Variants in AHI1 observed in about 807,000 individuals in gnomAD.
AHI1 encodes Abelson helper integration site 1.
Under a neutral mutation model 149.3 loss-of-function variants are expected in AHI1, and 123 were observed. The ratio of observed to expected loss-of-function variants is 0.82; its 90% CI spans 0.71 to 0.96. AHI1 has a LOEUF of 0.96. Among genes scored for constraint, AHI1 ranks in the 40% least tolerant of loss-of-function variants. The pLI is 0.00. For synonymous variants in AHI1, 475 were observed against 459.8 expected (o/e 1.03, Z -0.42); for missense variants, 1,439 against 1,422.7 (o/e 1.01, Z -0.18).
rs1307635777 is a variant in AHI1 at position 135,293,399 on chromosome 6, AAAAAAAG to A, written c.3486-2881_3486-2875del. Among the ~76,000 whole-genome samples, 501 of 98,518 alleles carry A rather than the reference AAAAAAAG, an allele frequency of 5.1e-3. 16 individuals carry two copies. The highest frequency in any genetic ancestry group is 0.046 in the African/African-American group (428 of 9,338). 64.6% of individuals were successfully genotyped at this position (98,518 alleles called of 152,430 possible). On this transcript the variant is annotated intron_variant, in intron 27 of 28. Transcript: ENST00000265602. ...TACCCAGTGTTAACAGGGCAAAAAA[AAAAAAAG>A]AAAAAAAAAAAAAAAAAAGAAAAAA...
At chr6:135,398,056 ATGT>A (rs1167723854) in intron 22 of AHI1, among the ~76,000 whole-genome samples, 128 of 96,600 alleles carry the variant, frequency 1.3e-3, no homozygotes, top group African/African-American at 4.1e-3. Context: ...AATACCCAGG[ATGT>A]TTTTTTTTTT....
At chr6:135,431,684 G>A (rs376128471) in intron 16 of AHI1, among the ~76,000 whole-genome samples, 2 of 151,976 alleles carry the variant, frequency 1.3e-5, no homozygotes, top group Admixed American at 6.6e-5. Flanking sequence ...CCATAAATCT[G>A]TTTTGGATTC....
chr6:135,312,868 T>C (rs9402702), intron 26 of AHI1, among the ~76,000 whole-genome samples: 61,061 of 152,158 alleles, frequency 0.4, 14,952 homozygotes, highest in Middle Eastern at 0.57. Flanking sequence ...TGAACTTAGA[T>C]GCCCCACAAT....
At chr6:135,411,133 A>T (rs1781525070) in intron 21 of AHI1, among the ~76,000 whole-genome samples, 1 of 152,202 alleles carries the variant, frequency 6.6e-6, no homozygotes, top group Non-Finnish European at 1.5e-5. Flanking sequence ...CTTTACAGAG[A>T]TATCAAGTCA....
intron 20 of AHI1, among the ~76,000 whole-genome samples, chr6:135,422,518 A>C (rs987613946): frequency 6.6e-6 from 1 of 152,092 alleles, no homozygotes; most frequent in African/African-American, 2.4e-5. Context: ...AGAAAAAAAA[A>C]AAATTAGTGC....
At chr6:135,309,761 C>T (rs761693448) in intron 26 of AHI1, among the ~76,000 whole-genome samples, 1 of 152,072 alleles carries the variant, frequency 6.6e-6, no homozygotes, top group African/African-American at 2.4e-5. Context: ...GGATTACAGA[C>T]GTGAGCCACC....
chr6:135,484,034 C>T (rs1794115203), intron 5 of AHI1, among the ~76,000 whole-genome samples: 1 of 152,054 alleles, frequency 6.6e-6, no homozygotes, highest in Admixed American at 6.5e-5. Context: ...TGGCTGTGGC[C>T]TCACAATCAT....
At chr6:135,419,437 T>C (rs562418376) in intron 20 of AHI1, among the ~76,000 whole-genome samples, 8 of 152,078 alleles carry the variant, frequency 5.3e-5, no homozygotes, top group African/African-American at 1.9e-4. Context: ...AACACAGGCA[T>C]TACTCAGAGA....
rs1220929193 is a variant in AHI1 at position 135,433,024 on chromosome 6, T to C, written c.2266+3A>G. The C allele has an allele frequency of 3.7e-6, 6 of 1,600,996 alleles. No individual in the cohort carries two copies. The highest frequency in any genetic ancestry group is 5.1e-6 in the Non-Finnish European group (6 of 1,168,324). The stretch of plus-strand genomic sequence containing the variant: ...TGGTCTTCATTCATAGTCTCTGACA[T>C]ACCTTCAGTATCAAAACAAAGTGAG... On this transcript the variant is annotated splice_donor_region_variant and intron_variant, in intron 16 of 28. Transcript: ENST00000265602.
intron 24 of AHI1, among the ~76,000 whole-genome samples, chr6:135,328,230 C>A (rs1357562780): frequency 6.6e-6 from 1 of 152,176 alleles, no homozygotes; most frequent in South Asian, 2.1e-4. Flanking sequence ...TGTGAGAACA[C>A]AGTGAAAACA....
chr6:135,446,440 T>C (rs151051543), intron 13 of AHI1, among the ~76,000 whole-genome samples: 2 of 152,344 alleles, frequency 1.3e-5, no homozygotes, highest in African/African-American at 4.8e-5. Flanking sequence ...ATGCACTGAA[T>C]GCTATGTCCT....
chr6:135,447,115 C>A lies in AHI1; in HGVS notation c.1672G>T (p.Gly558Cys). The change falls in exon 13 of 29, where the codon GGT becomes TGT. Residue 558 changes from glycine (G) to cysteine (C), a missense_variant. By Grantham distance (159) the Gly-to-Cys change is radical. Coordinates refer to ENST00000265602, the MANE Select transcript of AHI1 (RefSeq NM_001134831.2). ...RSMMALQEEK[G>C]KPVHCERHHE... ...TGACGTTCACAATGCACTGGTTTAC[C>A]TTTTTCCTCCTGAAGAGCCATCATA... 6.2e-7 allele frequency: 1 copy of A among 1,608,654 alleles called. No homozygotes were observed. The highest frequency in any genetic ancestry group is 1.1e-5 in the South Asian group (1 of 89,692).
In AHI1 at chr6:135,391,084, T is replaced by C. The variant is rs375564539; in HGVS notation, c.3109+3692A>G. Among the ~76,000 whole-genome samples, 12 of 152,330 alleles carry C rather than the reference T, an allele frequency of 7.9e-5. 1 individual carries two copies. Among genetic ancestry groups the C allele is most frequent in the East Asian group, 1.9e-4 (1 of 5,194 alleles). ...TAGGATTATCTGATTTGTTAAGAAC[T>C]TAGACTAATAGCTTAATGAACAGTT... On this transcript the variant is annotated intron_variant, in intron 23 of 28. Coordinates refer to ENST00000265602, the MANE Select transcript of AHI1 (RefSeq NM_001134831.2).
intron 24 of AHI1, among the ~76,000 whole-genome samples, chr6:135,332,953 A>G (rs1017395522): frequency 2.0e-5 from 3 of 152,214 alleles, no homozygotes; most frequent in African/African-American, 7.2e-5. Context: ...AGATCTTTAA[A>G]TGTATTATAA....
chr6:135,309,444 T>C (rs1784893549), intron 26 of AHI1, among the ~76,000 whole-genome samples: 1 of 151,684 alleles, frequency 6.6e-6, no homozygotes, highest in African/African-American at 2.4e-5. Context: ...TAGTGCTATC[T>C]GCATTGAAAT....
intron 23 of AHI1, among the ~76,000 whole-genome samples, chr6:135,366,079 A>C (rs774500427): frequency 1.4e-4 from 22 of 152,128 alleles, no homozygotes; most frequent in Non-Finnish European, 3.1e-4. Context: ...TTTTATTTTT[A>C]ATTCTGTTTA....
chr6:135,305,838 A>G (rs747918555), intron 26 of AHI1, among the ~76,000 whole-genome samples: 1 of 152,158 alleles, frequency 6.6e-6, no homozygotes, highest in Non-Finnish European at 1.5e-5. Context: ...TTCTGCTTTC[A>G]ACCTTGCATC....
chr6:135,287,198 T>C (rs991521655), intron 28 of AHI1, among the ~76,000 whole-genome samples: 32 of 151,938 alleles, frequency 2.1e-4, no homozygotes, highest in African/African-American at 7.5e-4. Flanking sequence ...GCAGAAGATG[T>C]AGGACAAGTG....
At chr6:135,304,640 G>A (rs542029063) in intron 26 of AHI1, among the ~76,000 whole-genome samples, 16 of 152,060 alleles carry the variant, frequency 1.1e-4, no homozygotes, top group African/African-American at 3.1e-4. Context: ...GTGTGGTGGC[G>A]GGCACCTGTA....
Sources: gnomAD v4.1 joint callset for allele counts (sites outside exome capture counted in the v4.1 genomes callset) on GRCh38, gnomAD v4.1.1 for gene constraint, MANE v1.5 for transcripts, NCBI Gene and HGNC (gene_info 2026-07-23, HGNC 2026-07-21) for gene names.